Variants in COG5 observed in about 807,000 individuals in gnomAD.
COG5 encodes component of oligomeric golgi complex 5.
COG5 carries 86 observed loss-of-function variants against 110.4 expected under a neutral mutation model. That is an observed-to-expected ratio of 0.78 (90% CI 0.65 to 0.93). The LOEUF (loss-of-function observed/expected upper bound fraction) is 0.93. COG5 is among the 40% of genes least tolerant of loss of function. The probability of loss-of-function intolerance (pLI) is 0.00; values close to 1 mark genes in which losing one functional copy is unlikely to be tolerated. For missense variants in COG5, 1,077 were observed against 987.0 expected (o/e 1.09, Z -1.22); for synonymous variants, 360 against 334.6 (o/e 1.08, Z -0.83).
chr7:107,424,355 G>C (rs1286641703), intron 6 of COG5, among the ~76,000 whole-genome samples: 1 of 151,908 alleles, frequency 6.6e-6, no homozygotes, highest in Non-Finnish European at 1.5e-5. Context: ...GTGGAAGGGA[G>C]GTTTCACATG....
At chr7:107,424,158 A>G (rs1357239840) in intron 6 of COG5, among the ~76,000 whole-genome samples, 1 of 151,992 alleles carries the variant, frequency 6.6e-6, no homozygotes, top group African/African-American at 2.4e-5. Flanking sequence ...CTGTAGTACC[A>G]GCTACTCGGG....
chr7:107,256,459 C>T (rs1802885017), intron 16 of COG5, among the ~76,000 whole-genome samples: 1 of 152,104 alleles, frequency 6.6e-6, no homozygotes. Flanking sequence ...CTGGGTTGTA[C>T]TGCCATTAGA....
rs1018850554 is a variant in COG5, at chr7:107,220,667, G to A, written c.2169-9442C>T. Among the ~76,000 whole-genome samples, 5 of 152,270 alleles carry A rather than the reference G, an allele frequency of 3.3e-5. No homozygotes were observed. The South Asian group carries it at 8.3e-4, about 25-fold the overall frequency. On this transcript the variant is annotated intron_variant, in intron 19 of 21. Coordinates refer to ENST00000297135, the MANE Select transcript of COG5 (RefSeq NM_006348.5). ...ATGATTCTAACCTGCTCATTGTGAC[G>A]AGGCTGCTCTCGTGTTTGAGCTATT... is the stretch of plus-strand genomic sequence containing the variant.
chr7:107,510,015 C>T (rs558591019), intron 6 of COG5, among the ~76,000 whole-genome samples: 1 of 152,262 alleles, frequency 6.6e-6, no homozygotes, highest in African/African-American at 2.4e-5. Flanking sequence ...AACCAGCTAA[C>T]ATCATAATGA....
intron 19 of COG5, among the ~76,000 whole-genome samples, chr7:107,212,397 T>C (rs770638537): frequency 4.6e-5 from 7 of 152,256 alleles, no homozygotes; most frequent in Non-Finnish European, 8.8e-5. Context: ...CTTGAAAATC[T>C]GCAAGGTCCA....
At chr7:107,217,077 G>A (rs1430961088) in intron 19 of COG5, among the ~76,000 whole-genome samples, 2 of 151,974 alleles carry the variant, frequency 1.3e-5, no homozygotes, top group Non-Finnish European at 2.9e-5. Flanking sequence ...GATAATGAGC[G>A]ATTACTATGA....
chr7:107,242,058 A>G (rs903017537), intron 17 of COG5, among the ~76,000 whole-genome samples: 1 of 152,218 alleles, frequency 6.6e-6, no homozygotes, highest in Non-Finnish European at 1.5e-5. Context: ...CTGGAATTAC[A>G]GGCATAAGCC....
intron 13 of COG5, among the ~76,000 whole-genome samples, 176 bp downstream of exon 13, chr7:107,283,395 A>C (rs1805346157): frequency 1.3e-5 from 2 of 152,158 alleles, no homozygotes; most frequent in African/African-American, 4.8e-5. Context: ...ATTATTTATT[A>C]ATTGGAATCT....
chr7:107,368,376 T>C (rs117714049), intron 8 of COG5, among the ~76,000 whole-genome samples: 3,213 of 152,126 alleles, frequency 0.021, 58 homozygotes, highest in South Asian at 0.037. Flanking sequence ...ATATGAATGA[T>C]AAAACTATAA....
intron 18 of COG5, 102 bp from the exon 19 acceptor site, chr7:107,230,793 T>G: frequency 1.1e-6 from 1 of 884,716 alleles, no homozygotes; most frequent in African/African-American, 1.6e-5. Flanking sequence ...GTAAACTTAA[T>G]TTTATCTGGA....
chr7:107,558,227 A>G (rs1803475209), intron 1 of COG5, 112 bp from the exon 2 acceptor site: 3 of 1,026,224 alleles, frequency 2.9e-6, no homozygotes, highest in Non-Finnish European at 4.4e-6. Context: ...CATACTCTGA[A>G]CCACTCCACT....
intron 10 of COG5, among the ~76,000 whole-genome samples, chr7:107,349,606 G>A (rs543992958): frequency 2.2e-4 from 33 of 152,074 alleles, no homozygotes; most frequent in African/African-American, 8.0e-4. Flanking sequence ...CGCCCAGGCT[G>A]GAGTGCGGTG....
intron 14 of COG5, among the ~76,000 whole-genome samples, chr7:107,276,450 A>C (rs1378575156): frequency 6.6e-6 from 1 of 152,182 alleles, no homozygotes; most frequent in Non-Finnish European, 1.5e-5. Context: ...GCTATGGATC[A>C]TTTGAGCCCA....
chr7:107,415,882 G>GTA lies in COG5; in HGVS notation c.539-3252_539-3251dup, dbSNP rs1196901946. ...CATACACGTATGTATGTATGTGTGT[G>GTA]TATATACACACACATACACGTATGT... On this transcript the variant is annotated intron_variant, in intron 6 of 21. Coordinates refer to ENST00000297135, the MANE Select transcript of COG5 (RefSeq NM_006348.5). Among the ~76,000 whole-genome samples, 30 of 63,940 alleles carry GTA rather than the reference G, an allele frequency of 4.7e-4. 10 individuals are homozygous for GTA. Among genetic ancestry groups the GTA allele is most frequent in the Non-Finnish European group, 6.6e-4 (24 of 36,258 alleles). 41.9% of individuals were successfully genotyped at this position (63,940 alleles called of 152,430 possible). A position where few individuals can be genotyped will look rare whatever the true frequency, so the allele number is the denominator to read the frequency against.
intron 6 of COG5, among the ~76,000 whole-genome samples, chr7:107,526,323 T>TCACTA (rs1280553996): frequency 2.7e-4 from 41 of 152,322 alleles, no homozygotes; most frequent in Non-Finnish European, 5.9e-5. Context: ...TTAAAAGTGT[T>TCACTA]GGGCAGTTCT....
chr7:107,443,901 GACACA>G (rs1201942011), intron 6 of COG5, among the ~76,000 whole-genome samples: 2 of 152,148 alleles, frequency 1.3e-5, no homozygotes, highest in African/African-American at 4.8e-5. Context: ...TCTAGTAAGA[GACACA>G]GAAAGCAGGG....
chr7:107,415,988 ATG>A (rs1434286933), intron 6 of COG5, among the ~76,000 whole-genome samples: 1 of 132,870 alleles, frequency 7.5e-6, no homozygotes, highest in Non-Finnish European at 1.6e-5. Context: ...GTATGTATAT[ATG>A]TGTGTATATA....
intron 10 of COG5, among the ~76,000 whole-genome samples, 173 bp downstream of exon 10, chr7:107,361,860 C>A (rs1333539087): frequency 6.6e-6 from 1 of 152,104 alleles, no homozygotes; most frequent in Non-Finnish European, 1.5e-5. Flanking sequence ...ACGCCCAGCC[C>A]CATGATTACA....
chr7:107,300,073 A>T (rs1317423816), intron 11 of COG5, among the ~76,000 whole-genome samples: 1 of 151,812 alleles, frequency 6.6e-6, no homozygotes, highest in Admixed American at 6.6e-5. Context: ...CAAACTTAAA[A>T]GAAAAAGCGT....
Sources: allele counts gnomAD v4.1 joint callset (sites outside exome capture counted in the v4.1 genomes callset), GRCh38; gene constraint gnomAD v4.1.1; transcripts MANE v1.5; gene names NCBI Gene and HGNC (gene_info 2026-07-23, HGNC 2026-07-21).